SLC41A2: variants seen among roughly 807,000 people sequenced by gnomAD.
SLC41A2 encodes SLC41A1-like 1.
SLC41A2 carries 32 observed loss-of-function variants against 58.3 expected under a neutral mutation model. That is an observed-to-expected ratio of 0.55 (90% CI 0.41 to 0.74). The LOEUF is 0.74. Among genes scored for constraint, SLC41A2 ranks in the 30% least tolerant of loss-of-function variants. The pLI, the probability that SLC41A2 is intolerant of heterozygous loss-of-function variation, is 0.00. For synonymous variants in SLC41A2, 190 were observed against 235.0 expected, an observed-to-expected ratio of 0.81 and a Z score of 1.75; for missense variants, 514 against 680.6, an observed-to-expected ratio of 0.76 and a Z score of 2.72.
chr12:104,927,990 C>A lies in SLC41A2; in HGVS notation c.538G>T (p.Val180Leu). Residue 180 changes from valine (V) to leucine (L), a missense_variant, in exon 2 of 11, where the codon GTA (valine) becomes TTA (leucine). Coordinates refer to ENST00000258538, the MANE Select transcript of SLC41A2 (RefSeq NM_001352171.3). ...AGFGTVSAGMVLDIVQHWEVF... is the reference protein window; with the variant it reads ...AGFGTVSAGMLLDIVQHWEVF... Reference sequence around the variant, plus strand: ...AAACCCACCTGTACTATATCCAGTACCATGCCAGCTGAAACTGTTCCAAAA... The same window carrying A: ...AAACCCACCTGTACTATATCCAGTAACATGCCAGCTGAAACTGTTCCAAAA... The A allele has an allele frequency of 6.2e-7, 1 of 1,607,578 alleles. No homozygotes were observed. The highest frequency in any genetic ancestry group is 8.5e-7 in the Non-Finnish European group (1 of 1,176,730).
Position 104,909,682 on chromosome 12 carries a change from C to A in SLC41A2, c.636G>T (p.Met212Ile). 6.2e-7 allele frequency: 1 copy of A among 1,610,288 alleles called. No homozygotes were observed. Among genetic ancestry groups the A allele is most frequent in the South Asian group, 1.1e-5 (1 of 90,038 alleles). ...CAGTGGATAATCTGGATGCCAATGTCATTTCCAAGTTCCCTTTGAGACCAA... is the reference window on the plus strand; with the variant it reads ...CAGTGGATAATCTGGATGCCAATGTAATTTCCAAGTTCCCTTTGAGACCAA... Reference protein sequence around the residue: ...ALLGLKGNLEMTLASRLSTAV... With the variant: ...ALLGLKGNLEITLASRLSTAV... Residue 212 changes from methionine to isoleucine, a missense_variant, in exon 3 of 11, where the codon ATG (methionine) becomes ATT (isoleucine). Coordinates refer to ENST00000258538, the MANE Select transcript of SLC41A2 (RefSeq NM_001352171.3).
At chr12:104,897,001 G>C (rs547851175) in intron 3 of SLC41A2, among the ~76,000 whole-genome samples, 1 of 152,194 alleles carries the variant, frequency 6.6e-6, no homozygotes, top group South Asian at 2.1e-4. Context: ...TGGCTTCACT[G>C]AGTTTCCTAC....
At chr12:104,903,437 AAC>A (rs2045656290) in intron 3 of SLC41A2, among the ~76,000 whole-genome samples, 1 of 152,168 alleles carries the variant, frequency 6.6e-6, no homozygotes, top group African/African-American at 2.4e-5. Context: ...CTCTTTATCT[AAC>A]ACAGTGGTTT....
intron 4 of SLC41A2, among the ~76,000 whole-genome samples, chr12:104,893,087 T>C (rs551115053): frequency 6.6e-6 from 1 of 152,176 alleles, no homozygotes; most frequent in Non-Finnish European, 1.5e-5. Flanking sequence ...GGAGAAAATA[T>C]TTGCAAACTA....
chr12:104,858,020 AAAG>A (rs1371126961), intron 8 of SLC41A2, among the ~76,000 whole-genome samples: 2 of 151,906 alleles, frequency 1.3e-5, no homozygotes, highest in East Asian at 1.9e-4. Flanking sequence ...ATAAAAAAAT[AAAG>A]AAGAATTAAC....
chr12:104,896,989 G>C (rs1402392500), intron 3 of SLC41A2, among the ~76,000 whole-genome samples: 1 of 152,004 alleles, frequency 6.6e-6, no homozygotes, highest in Non-Finnish European at 1.5e-5. Context: ...CAGGGCTTCA[G>C]GTGGCTTCAC....
At chr12:104,819,827 C>A (rs1376653751) in intron 10 of SLC41A2, among the ~76,000 whole-genome samples, 1 of 152,238 alleles carries the variant, frequency 6.6e-6, no homozygotes, top group Non-Finnish European at 1.5e-5. Context: ...CTTTCCCCAA[C>A]CCTTCTTTTC....
chr12:104,925,547 G>A (rs2046800887), intron 2 of SLC41A2, among the ~76,000 whole-genome samples: 1 of 144,642 alleles, frequency 6.9e-6, no homozygotes, highest in Admixed American at 7.0e-5. Context: ...GAAAGAGCGA[G>A]GCTCCATCTC....
In SLC41A2 at chr12:104,803,939, T is replaced by C. The variant is rs939902784; in HGVS notation, c.*1213A>G. The C allele has an allele frequency of 5.3e-5, 8 of 151,888 alleles. No individual in the cohort carries two copies. The highest frequency in any genetic ancestry group is 1.2e-4 in the Non-Finnish European group (8 of 67,976). 9.4% of individuals were successfully genotyped at this position (151,888 alleles called of 1,614,324 possible). A position where few individuals can be genotyped will look rare whatever the true frequency, so the allele number is the denominator to read the frequency against. ...CTCCTATCTTGATTATATTAAATAG[T>C]ACTACTTTTTAAAATAAGAAATTAT... is the stretch of plus-strand genomic sequence containing the variant. On this transcript the variant is annotated 3_prime_UTR_variant, in exon 11 of 11. Transcript: ENST00000258538.
intron 8 of SLC41A2, among the ~76,000 whole-genome samples, chr12:104,853,333 G>A (rs750257853): frequency 4.6e-5 from 7 of 152,108 alleles, no homozygotes; most frequent in Non-Finnish European, 5.9e-5. Context: ...ATAATCAACA[G>A]CATAATAAGT....
chr12:104,847,121 T>A (rs2042624586), intron 8 of SLC41A2, among the ~76,000 whole-genome samples: 1 of 151,496 alleles, frequency 6.6e-6, no homozygotes, highest in Non-Finnish European at 1.5e-5. Context: ...AAGGATCTAG[T>A]GGAAAAGATA....
Position 104,866,528 on chromosome 12 carries a change from G to C in SLC41A2, c.1079C>G (p.Thr360Ser). The change falls in exon 7 of 11, where the codon ACC (threonine) becomes AGC (serine). Residue 360 changes from threonine to serine, a missense_variant. Transcript: ENST00000258538. ...GGCAGCTATTATAATCCAAATAGGGGTTAGAGCCAAGAAAAATACACCAAC... is the reference window on the plus strand; with the variant it reads ...GGCAGCTATTATAATCCAAATAGGGCTTAGAGCCAAGAAAAATACACCAAC... The part of the protein sequence containing the change: ...PLVGVFFLAL[T>S]PIWIIIAAKH... The C allele has an allele frequency of 1.2e-6, 2 of 1,611,814 alleles. No individual in the cohort carries two copies. The highest frequency in any genetic ancestry group is 1.7e-6 in the Non-Finnish European group (2 of 1,179,156).
rs541819381 is a variant in SLC41A2 at position 104,905,463 on chromosome 12, G to A, written c.663+4192C>T. Reference sequence around the variant, plus strand: ...CAGCTGGCTTCACCTAGTGGATCCCGCACCGGGGCTGCAGGTGGAGCTGCC... The same window carrying A: ...CAGCTGGCTTCACCTAGTGGATCCCACACCGGGGCTGCAGGTGGAGCTGCC... On this transcript the variant is annotated intron_variant, in intron 3 of 10. Transcript: ENST00000258538. 1.8e-3 allele frequency among the ~76,000 whole-genome samples: 267 copies of A among 152,350 alleles called. 2 individuals carry two copies. The highest frequency in any genetic ancestry group is 5.9e-3 in the African/African-American group (246 of 41,578).
chr12:104,818,129 A>G (rs975455548), intron 10 of SLC41A2, among the ~76,000 whole-genome samples: 6 of 152,208 alleles, frequency 3.9e-5, no homozygotes, highest in Non-Finnish European at 5.9e-5. Context: ...TTAAAAATAA[A>G]AAGCATCAAT....
At chr12:104,885,134 C>G (rs1296958593) in intron 6 of SLC41A2, among the ~76,000 whole-genome samples, 4 of 151,974 alleles carry the variant, frequency 2.6e-5, no homozygotes, top group African/African-American at 9.7e-5. Context: ...CATAAAAAAG[C>G]CAAGACCTTT....
intron 10 of SLC41A2, among the ~76,000 whole-genome samples, chr12:104,835,419 T>G (rs1044750468): frequency 2.0e-5 from 3 of 152,246 alleles, no homozygotes; most frequent in African/African-American, 7.2e-5. Flanking sequence ...TAACCTTATT[T>G]TTCATCACTC....
chr12:104,932,856 A>G (rs2047119973), intron 1 of SLC41A2, among the ~76,000 whole-genome samples: 1 of 152,072 alleles, frequency 6.6e-6, no homozygotes, highest in Non-Finnish European at 1.5e-5. Flanking sequence ...CTGGATCCCT[A>G]TCTCTCACCC....
In SLC41A2 at chr12:104,933,324, A is replaced by G. The variant is rs141229443; in HGVS notation, c.-167-4630T>C. The stretch of plus-strand genomic sequence containing the variant: ...CAGGGAAATGCAAATTAAAACCACA[A>G]TGAAATACCACCTAACCCCAGCCAA... On this transcript the variant is annotated intron_variant, in intron 1 of 10. Coordinates refer to ENST00000258538, the MANE Select transcript of SLC41A2 (RefSeq NM_001352171.3). 7.8e-3 allele frequency among the ~76,000 whole-genome samples: 1,183 copies of G among 152,318 alleles called. 14 individuals carry two copies. Among genetic ancestry groups the G allele is most frequent in the African/African-American group, 0.026 (1,086 of 41,578 alleles).
At chr12:104,943,911 G>T (rs1427231768) in intron 1 of SLC41A2, among the ~76,000 whole-genome samples, 2 of 152,108 alleles carry the variant, frequency 1.3e-5, no homozygotes, top group African/African-American at 4.8e-5. Context: ...ATCATCTATC[G>T]CCTGAGAGCA....
Sources: gnomAD v4.1 joint callset for allele counts (sites outside exome capture counted in the v4.1 genomes callset) on GRCh38, gnomAD v4.1.1 for gene constraint, MANE v1.5 for transcripts, NCBI Gene and HGNC (gene_info 2026-07-23, HGNC 2026-07-21) for gene names.